Variants in ADGRB3 observed in about 807,000 individuals in gnomAD.
The protein encoded by ADGRB3 is brain-specific angiogenesis inhibitor 3.
ADGRB3 carries 37 observed loss-of-function variants against 193.4 expected under a neutral mutation model. The observed-to-expected ratio is 0.19, with a 90% CI of 0.15 to 0.25. ADGRB3 has a LOEUF of 0.25. ADGRB3 is among the 10% of genes least tolerant of loss of function. ADGRB3 has a pLI of 1.00. For synonymous variants in ADGRB3, 690 were observed against 644.2 expected (o/e 1.07, Z -1.08); for missense variants, 1,637 against 1,852.9 (o/e 0.88, Z 2.14).
chr6:69,277,697 T>C (rs1767333651), intron 20 of ADGRB3, among the ~76,000 whole-genome samples: 1 of 152,166 alleles, frequency 6.6e-6, no homozygotes, highest in African/African-American at 2.4e-5. Flanking sequence ...ATTATCATTA[T>C]TGTTGTTATT....
chr6:69,115,921 A>C (rs1773518267), intron 17 of ADGRB3, among the ~76,000 whole-genome samples: 1 of 152,228 alleles, frequency 6.6e-6, no homozygotes, highest in African/African-American at 2.4e-5. Context: ...TCTGGGTTCT[A>C]GAGAGAGAGG....
In ADGRB3 at chr6:69,195,654, G is replaced by A. The variant is rs536779461; in HGVS notation, c.2481-37636G>A. Among the ~76,000 whole-genome samples, 53 of 151,894 alleles carry A rather than the reference G, an allele frequency of 3.5e-4. 1 individual carries two copies. The highest frequency in any genetic ancestry group is 6.3e-4 in the Non-Finnish European group (43 of 67,946). Reference sequence around the variant, plus strand: ...ATTTCTTTTTGTATCCTGTGAACAAGGGCAGGTTTTCATTTATTGCTTTTA... The same window carrying A: ...ATTTCTTTTTGTATCCTGTGAACAAAGGCAGGTTTTCATTTATTGCTTTTA... On this transcript the variant is annotated intron_variant, in intron 17 of 31. Coordinates refer to ENST00000370598, the MANE Select transcript of ADGRB3 (RefSeq NM_001704.3).
At chr6:69,271,938 G>A (rs1204388633) in intron 20 of ADGRB3, among the ~76,000 whole-genome samples, 1 of 151,968 alleles carries the variant, frequency 6.6e-6, no homozygotes, top group African/African-American at 2.4e-5. Context: ...AGTGTAGAAA[G>A]GTACCATTTC....
chr6:69,288,111 A>C (rs1162895499), intron 20 of ADGRB3, among the ~76,000 whole-genome samples: 2 of 152,072 alleles, frequency 1.3e-5, no homozygotes, highest in Non-Finnish European at 2.9e-5. Context: ...GGTTTGTTAC[A>C]TAGGTATACA....
At chr6:69,055,411 TCAATTAGCA>T (rs1218110547) in intron 15 of ADGRB3, among the ~76,000 whole-genome samples, 1 of 152,232 alleles carries the variant, frequency 6.6e-6, no homozygotes, top group African/African-American at 2.4e-5. Context: ...TTGATTTATT[TCAATTAGCA>T]CAATATCCTT....
At chr6:69,177,867 A>G (rs1460196568) in intron 17 of ADGRB3, among the ~76,000 whole-genome samples, 3 of 152,202 alleles carry the variant, frequency 2.0e-5, no homozygotes, top group Admixed American at 6.5e-5. Context: ...CATGTGGCCA[A>G]TCTTGGAATA....
chr6:69,253,507 A>G (rs1241364313), intron 20 of ADGRB3, among the ~76,000 whole-genome samples: 1 of 152,054 alleles, frequency 6.6e-6, no homozygotes, highest in African/African-American at 2.4e-5. Flanking sequence ...TGTTGTGACC[A>G]ATTAGATGAG....
intron 17 of ADGRB3, among the ~76,000 whole-genome samples, chr6:69,207,314 C>T (rs1023628382): frequency 6.6e-6 from 1 of 152,160 alleles, no homozygotes; most frequent in African/African-American, 2.4e-5. Flanking sequence ...TGATTCTGGA[C>T]CCCACTCAAA....
intron 20 of ADGRB3, among the ~76,000 whole-genome samples, chr6:69,292,086 A>C (rs1767697778): frequency 6.6e-6 from 1 of 152,174 alleles, no homozygotes; most frequent in Admixed American, 6.5e-5. Context: ...ACTTGTCATC[A>C]AACCTCGCAT....
At chr6:69,211,993 T>C (rs147649388) in intron 17 of ADGRB3, among the ~76,000 whole-genome samples, 86 of 152,332 alleles carry the variant, frequency 5.6e-4, no homozygotes, top group Non-Finnish European at 1.1e-3. Flanking sequence ...AAGTTTATAC[T>C]TTGTTATTTG....
At chr6:68,801,349 C>G (rs1227398361) in intron 3 of ADGRB3, among the ~76,000 whole-genome samples, 1 of 152,142 alleles carries the variant, frequency 6.6e-6, no homozygotes, top group Non-Finnish European at 1.5e-5. Context: ...AAAAGAGAGT[C>G]TCTATCCTGT....
intron 17 of ADGRB3, among the ~76,000 whole-genome samples, chr6:69,145,103 T>G (rs895783769): frequency 6.6e-6 from 1 of 152,192 alleles, no homozygotes; most frequent in African/African-American, 2.4e-5. Context: ...GTGGCACCTT[T>G]GCCCGAGTTT....
In ADGRB3 at chr6:69,075,843, C is replaced by G. The variant is rs1410214304; in HGVS notation, c.2437-152C>G. On this transcript the variant is annotated intron_variant, in intron 16 of 31. Coordinates refer to ENST00000370598, the MANE Select transcript of ADGRB3 (RefSeq NM_001704.3). The stretch of plus-strand genomic sequence containing the variant: ...CACTAAATCTATGAGAAACGAAATG[C>G]AAATTTCTTATAAATAATTAAAAAG... 3 of 617,606 alleles carry G rather than the reference C, an allele frequency of 4.9e-6. No homozygotes were observed. The African/African-American group carries it at 5.7e-5, about 12-fold the overall frequency. 38.3% of individuals were successfully genotyped at this position (617,606 alleles called of 1,614,324 possible).
intron 3 of ADGRB3, among the ~76,000 whole-genome samples, chr6:68,867,721 C>A (rs1044251419): frequency 6.6e-6 from 1 of 152,200 alleles, no homozygotes; most frequent in Admixed American, 6.5e-5. Flanking sequence ...CTTTGGGAGG[C>A]CAATCTTTGT....
At position 69,283,973 on chromosome 6, in the gene ADGRB3, G is replaced by C. The variant is rs143178325; in HGVS notation, c.2815-40899G>C. Among the ~76,000 whole-genome samples the C allele has an allele frequency of 2.5e-3, 377 of 152,212 alleles. 4 individuals are homozygous for C. Among genetic ancestry groups the C allele is most frequent in the African/African-American group, 8.8e-3 (366 of 41,546 alleles). On this transcript the variant is annotated intron_variant, in intron 20 of 31. Transcript: ENST00000370598. ...CTCTGTAAGCTCTTCCCTGAAAAGA[G>C]GAAAAACAACCGTGACTCATGGGCT...
At chr6:68,722,871 A>C (rs556537383) in intron 3 of ADGRB3, among the ~76,000 whole-genome samples, 2 of 151,776 alleles carry the variant, frequency 1.3e-5, no homozygotes, top group South Asian at 2.1e-4. Context: ...AATCAGATGA[A>C]GAGAACAAGC....
chr6:69,206,410 A>C (rs1048459517), intron 17 of ADGRB3, among the ~76,000 whole-genome samples: 61 of 152,208 alleles, frequency 4.0e-4, no homozygotes, highest in African/African-American at 1.4e-3. Context: ...TCCAGGATCA[A>C]TACTTTGTAT....
intron 24 of ADGRB3, 131 bp from the exon 25 acceptor site, chr6:69,338,776 ACAACAACCT>A: frequency 1.4e-6 from 1 of 706,798 alleles, no homozygotes; most frequent in Non-Finnish European, 2.5e-6. Flanking sequence ...ATGCATCTTT[ACAACAACCT>A]AGAGCATACA....
chr6:68,797,933 A>C (rs1231310366), intron 3 of ADGRB3, among the ~76,000 whole-genome samples: 1 of 152,150 alleles, frequency 6.6e-6, no homozygotes, highest in Non-Finnish European at 1.5e-5. Context: ...ACTCGTTCTA[A>C]CTAGTTACCA....
Sources: gnomAD v4.1 joint callset for allele counts (sites outside exome capture counted in the v4.1 genomes callset) on GRCh38, gnomAD v4.1.1 for gene constraint, MANE v1.5 for transcripts, NCBI Gene and HGNC (gene_info 2026-07-23, HGNC 2026-07-21) for gene names.